The following CES4A variants were observed in gnomAD, a reference collection of about 807,000 sequenced individuals.
CES4A encodes the protein carboxylesterase 4A, also known as carboxylesterase 6.
CES4A carries 48 observed loss-of-function variants against 65.4 expected under a neutral mutation model. The observed-to-expected ratio is 0.73, with a 90% CI of 0.58 to 0.93. The LOEUF is 0.93. Ranked by LOEUF, CES4A falls within the 40% of genes least tolerant of loss-of-function variation. CES4A has a pLI of 0.00. For synonymous variants in CES4A, 247 were observed against 281.8 expected, an observed-to-expected ratio of 0.88 and a Z score of 1.24; for missense variants, 685 against 728.5, an observed-to-expected ratio of 0.94 and a Z score of 0.69.
intron 2 of CES4A, among the ~76,000 whole-genome samples, chr16:66,996,384 C>T (rs1964857074): frequency 6.6e-6 from 1 of 152,136 alleles, no homozygotes. Flanking sequence ...GAGGCTGTCA[C>T]CGACCGTGCT....
chr16:67,006,550 G>A (rs1965775064), intron 12 of CES4A, 31 bp downstream of exon 12: 1 of 1,545,136 alleles, frequency 6.5e-7, no homozygotes, highest in Middle Eastern at 1.7e-4. Flanking sequence ...ACCCCAACTG[G>A]GTGTCCAGTC....
chr16:66,995,693 C>T lies in CES4A; in HGVS notation c.124C>T (p.His42Tyr), dbSNP rs375062290. The change falls in exon 2 of 14, where the codon CAT (histidine) becomes TAT (tyrosine). Residue 42 changes from histidine to tyrosine, a missense_variant. His to Tyr is a moderately conservative substitution (Grantham distance 83, BLOSUM62 2). Coordinates refer to ENST00000648724, the Ensembl canonical transcript of CES4A. ...TGGAACCCTGCAAGGAAAACAGATG[C>T]ATGTGGGGAAGACACCCATCCAAGT... 3.1e-6 allele frequency: 5 copies of T among 1,614,082 alleles called. No homozygotes were observed. The highest frequency in any genetic ancestry group is 4.2e-6 in the Non-Finnish European group (5 of 1,180,022).
At position 66,988,789 on chromosome 16, in the gene CES4A, GC is replaced by G. The variant is rs549855710; in HGVS notation, c.18del (p.Trp7GlyfsTer7). ...GGCTGGAGCATGAGGTGGATTCTGT[GC>G]TGGAGCCTCACCCTCTGCCTGATGG... is the stretch of plus-strand genomic sequence containing the variant. On this transcript the variant is annotated frameshift_variant, in exon 1 of 14. Transcript: ENST00000648724. LOFTEE classifies it high-confidence loss of function. 16 of 1,567,380 alleles carry G rather than the reference GC, an allele frequency of 1.0e-5. No individual in the cohort carries two copies. The South Asian group carries it at 1.9e-4, about 18-fold the overall frequency.
chr16:67,001,150 T>G lies in CES4A; in HGVS notation c.537-158T>G. 7.4e-7 allele frequency: 1 copy of G among 1,358,564 alleles called. No individual in the cohort carries two copies. Among genetic ancestry groups the G allele is most frequent in the Non-Finnish European group, 9.8e-7 (1 of 1,017,062 alleles). 84.2% of individuals were successfully genotyped at this position (1,358,564 alleles called of 1,614,324 possible). ...TGGAAGGGGCGGGCGCTCCATACCA[T>G]CTGGATGGGGCGAGCTAACTCCAAG... On this transcript the variant is annotated intron_variant, in intron 4 of 13. Transcript: ENST00000648724. The surrounding 1 kb of genome is among the most constrained non-coding windows in gnomAD (Gnocchi z 4.1).
At chr16:66,989,666 T>C (rs1185999779) in intron 1 of CES4A, among the ~76,000 whole-genome samples, 1 of 152,074 alleles carries the variant, frequency 6.6e-6, no homozygotes, top group East Asian at 1.9e-4. Context: ...GAGACCAGCC[T>C]AACCAATATT....
chr16:66,988,908 C>A, intron 1 of CES4A, 78 bp downstream of exon 1: 2 of 1,470,174 alleles, frequency 1.4e-6, no homozygotes, highest in Non-Finnish European at 9.1e-7. Context: ...AGTTCAACCT[C>A]TCCTGGGGAC....
Position 67,003,621 on chromosome 16 carries a change from A to C in CES4A, c.939+68A>C. 3.0e-6 allele frequency: 4 copies of C among 1,314,002 alleles called. No homozygotes were observed. Among genetic ancestry groups the C allele is most frequent in the Admixed American group, 1.7e-5 (1 of 59,638 alleles). The allele number at this position is 1,314,002 out of a possible 1,614,324, so 81.4% of individuals were successfully genotyped here. A position where few individuals can be genotyped will look rare whatever the true frequency, so the allele number is the denominator to read the frequency against. ...CTACTTTGTGCCAGGCACTTGGGAT[A>C]CTTAGGGAATTGTTCAGGCCAAGAT... On this transcript the variant is annotated intron_variant, in intron 8 of 13. Transcript: ENST00000648724. The surrounding 1 kb of genome is among the most constrained non-coding windows in gnomAD (Gnocchi z 4.2).
Position 67,001,395 on chromosome 16 carries a change from C to T in CES4A, c.624C>T (p.Phe208=). 1 of 1,613,488 alleles carries T rather than the reference C, an allele frequency of 6.2e-7. No homozygotes were observed. ...GGGTGCAGGAGAACATCGCAGCCTT[C>T]GGGGGAGACCCAGGAAATGTGACCC... Residue 208 remains phenylalanine (F), a synonymous_variant, in exon 5 of 14, where the codon TTC becomes TTT. Transcript: ENST00000648724. The surrounding 1 kb of genome is among the most constrained non-coding windows in gnomAD (Gnocchi z 4.1).
At position 67,000,458 on chromosome 16, in the gene CES4A, T is replaced by TC. The variant is rs1965196190; in HGVS notation, c.261-177dup. 9 of 1,416,322 alleles carry TC rather than the reference T, an allele frequency of 6.4e-6. No individual in the cohort carries two copies. Among genetic ancestry groups the TC allele is most frequent in the Non-Finnish European group, 8.3e-6 (9 of 1,089,270 alleles). 87.7% of individuals were successfully genotyped at this position (1,416,322 alleles called of 1,614,324 possible). A position where few individuals can be genotyped will look rare whatever the true frequency, so the allele number is the denominator to read the frequency against. On this transcript the variant is annotated intron_variant, in intron 2 of 13. Transcript: ENST00000648724. The surrounding 1 kb of genome is among the most constrained non-coding windows in gnomAD (Gnocchi z 4.2). Reference sequence around the variant, plus strand: ...ATGGTTCCTGAGAGGCCAACCTGCCTCCCAGTCCTGGGCCCCGGGGCTGGC... The same window carrying TC: ...ATGGTTCCTGAGAGGCCAACCTGCCTCCCCAGTCCTGGGCCCCGGGGCTGGC...
rs533558138 is a variant in CES4A, at chr16:67,001,486, G to C, written c.690+25G>C. 5 of 1,573,592 alleles carry C rather than the reference G, an allele frequency of 3.2e-6. No individual in the cohort carries two copies. In the South Asian group the frequency reaches 5.9e-5, roughly 19 times the overall value. On this transcript the variant is annotated intron_variant, in intron 5 of 13. Coordinates refer to ENST00000648724, the Ensembl canonical transcript of CES4A. This position sits in a 1 kb window ranked among gnomAD's most constrained non-coding sequence, Gnocchi z 4.1. ...GGTGAGAGCAATGCCCAGACGGACCGAGCACAGACTTAGGCTCCTGCGTTC... is the reference window on the plus strand; with the variant it reads ...GGTGAGAGCAATGCCCAGACGGACCCAGCACAGACTTAGGCTCCTGCGTTC...
chr16:66,995,035 G>A (rs2145591797), intron 1 of CES4A, among the ~76,000 whole-genome samples: 1 of 149,074 alleles, frequency 6.7e-6, no homozygotes, highest in East Asian at 2.0e-4. Flanking sequence ...ATGAGGGCCG[G>A]GCGTGGTGGC....
intron 1 of CES4A, among the ~76,000 whole-genome samples, chr16:66,995,144 T>C (rs1179139426): frequency 6.6e-6 from 1 of 151,794 alleles, no homozygotes; most frequent in Non-Finnish European, 1.5e-5. Context: ...ACACCGCCTC[T>C]ACTAAAAATA....
At chr16:67,004,925 T>A (rs931125102) in intron 10 of CES4A, 52 bp downstream of exon 10, 2 of 1,417,284 alleles carry the variant, frequency 1.4e-6, no homozygotes, top group African/African-American at 2.8e-5. Context: ...TTGACCCCCC[T>A]GTTTTTTTTA....
chr16:66,988,970 C>T (rs1964162688), intron 1 of CES4A, 140 bp downstream of exon 1: 1 of 1,029,628 alleles, frequency 9.7e-7, no homozygotes, highest in Non-Finnish European at 1.4e-6. Flanking sequence ...GGTAGGGTTT[C>T]AGGACACTAA....
chr16:67,002,906 G>A (rs897324558), intron 5 of CES4A, among the ~76,000 whole-genome samples, 164 bp from the exon 6 acceptor site: 5 of 152,096 alleles, frequency 3.3e-5, no homozygotes, highest in African/African-American at 4.8e-5. Flanking sequence ...GAATACCACT[G>A]GCTTTAGGTC....
At chr16:66,988,686 A>C in exon 1 of CES4A, 1 of 1,547,018 alleles carries the variant, frequency 6.5e-7, no homozygotes, top group Non-Finnish European at 8.7e-7. Flanking sequence ...GTGCTCACAC[A>C]CTGTAGACAC....
At chr16:67,009,378 T>G (rs1301851875) in exon 14 of CES4A, 1 of 473,178 alleles carries the variant, frequency 2.1e-6, no homozygotes, top group Admixed American at 3.8e-5. Flanking sequence ...TGACATCCAG[T>G]TAGGCCAGGC....
At chr16:66,997,622 G>A (rs1451931093) in intron 2 of CES4A, among the ~76,000 whole-genome samples, 1 of 152,116 alleles carries the variant, frequency 6.6e-6, no homozygotes, top group Non-Finnish European at 1.5e-5. Flanking sequence ...GGAAATAGGG[G>A]TACCATTTAT....
chr16:66,989,073 G>A (rs561004653), intron 1 of CES4A, among the ~76,000 whole-genome samples: 14 of 152,188 alleles, frequency 9.2e-5, no homozygotes, highest in Admixed American at 5.9e-4. Context: ...CAGGTGAAGG[G>A]GTCTGAGAAC....
Sources: allele counts gnomAD v4.1 joint callset (sites outside exome capture counted in the v4.1 genomes callset), GRCh38; gene constraint gnomAD v4.1.1; non-coding constraint Gnocchi (gnomAD v3.1); transcripts MANE v1.5; gene names NCBI Gene and HGNC (gene_info 2026-07-23, HGNC 2026-07-21).